Variants in CA5A observed in about 807,000 individuals in gnomAD.
The protein encoded by CA5A is carbonic anhydrase 5A.
Under a neutral mutation model 37.1 loss-of-function variants are expected in CA5A, and 28 were observed. That is an observed-to-expected ratio of 0.75 (90% CI 0.56 to 1.03). The LOEUF is 1.03. Among genes scored for constraint, CA5A ranks in the 50% least tolerant of loss-of-function variants. CA5A has a pLI of 0.00. For missense variants in CA5A, 444 were observed against 399.9 expected, an observed-to-expected ratio of 1.11 and a Z score of -0.94; for synonymous variants, 171 against 158.4, an observed-to-expected ratio of 1.08 and a Z score of -0.60.
intron 1 of CA5A, among the ~76,000 whole-genome samples, chr16:87,934,544 G>C (rs373831459): frequency 9.2e-5 from 14 of 151,890 alleles, no homozygotes; most frequent in East Asian, 7.8e-4. Flanking sequence ...GCTCCAGCCT[G>C]GGCAACAAGA....
At chr16:87,914,343 G>A (rs974568160) in intron 2 of CA5A, among the ~76,000 whole-genome samples, 6 of 152,188 alleles carry the variant, frequency 3.9e-5, no homozygotes, top group Non-Finnish European at 7.3e-5. Context: ...ATTAAGTGCA[G>A]CTTTTCGTCA....
chr16:87,894,433 G>C (rs1028671306), intron 5 of CA5A, among the ~76,000 whole-genome samples: 4 of 152,108 alleles, frequency 2.6e-5, no homozygotes, highest in Admixed American at 2.6e-4. Flanking sequence ...CCTTGGGCTT[G>C]TCTCCTAACA....
At chr16:87,915,536 T>TC (rs1200194394) in intron 2 of CA5A, among the ~76,000 whole-genome samples, 1 of 127,822 alleles carries the variant, frequency 7.8e-6, no homozygotes, top group Admixed American at 8.0e-5. Flanking sequence ...ATTTTTTTTT[T>TC]TTTTTTTTTT....
chr16:87,922,491 A>T (rs1037542177), intron 2 of CA5A, among the ~76,000 whole-genome samples: 5 of 152,198 alleles, frequency 3.3e-5, no homozygotes, highest in African/African-American at 1.2e-4. Context: ...TGCTGCCATG[A>T]GCTGAACAGA....
chr16:87,933,746 G>A (rs1282806453), intron 1 of CA5A, among the ~76,000 whole-genome samples: 1 of 152,124 alleles, frequency 6.6e-6, no homozygotes, highest in Admixed American at 6.5e-5. Context: ...CAAACCACCA[G>A]TGATTTTTCA....
rs1407065065 is a variant in CA5A, at chr16:87,911,372, T to C, written c.341-6468A>G. Among the ~76,000 whole-genome samples, 2 of 152,170 alleles carry C rather than the reference T, an allele frequency of 1.3e-5. No homozygotes were observed. Among genetic ancestry groups the C allele is most frequent in the African/African-American group, 4.8e-5 (2 of 41,444 alleles). ...GCTGTGACGTGCTGGCCCCAGAGAA[T>C]ATTGTCTCTGCTATTACAACAGATG... On this transcript the variant is annotated intron_variant, in intron 2 of 6. Coordinates refer to ENST00000649794, the MANE Select transcript of CA5A (RefSeq NM_001739.2). The surrounding 1 kb of genome is among the most constrained non-coding windows in gnomAD (Gnocchi z 4.6).
In CA5A at chr16:87,936,224, C is replaced by T. The variant is rs2056468978; in HGVS notation, c.142+85G>A. The stretch of plus-strand genomic sequence containing the variant: ...AAATCTGAACCCATCTGGCTCGGGA[C>T]GGTCTCTCCTCTCTCCTCTCGAAAG... On this transcript the variant is annotated intron_variant, in intron 1 of 6. Transcript: ENST00000649794. 37 of 889,446 alleles carry T rather than the reference C, an allele frequency of 4.2e-5. 1 individual carries two copies. The highest frequency in any genetic ancestry group is 2.3e-4 in the Middle Eastern group (1 of 4,404). 55.1% of individuals were successfully genotyped at this position (889,446 alleles called of 1,614,324 possible).
At chr16:87,906,626 C>CA (rs980322072) in intron 2 of CA5A, among the ~76,000 whole-genome samples, 43 of 145,826 alleles carry the variant, frequency 2.9e-4, no homozygotes, top group South Asian at 2.6e-3. Flanking sequence ...GAATCAGTCT[C>CA]AAAAAAAAAA....
intron 5 of CA5A, among the ~76,000 whole-genome samples, chr16:87,896,238 C>T (rs1194897774): frequency 1.3e-5 from 2 of 152,226 alleles, no homozygotes; most frequent in Non-Finnish European, 2.9e-5. Context: ...CTTCCCTCCC[C>T]AAGGCTGCAG....
In CA5A at chr16:87,909,832, T is replaced by C. The variant is rs985322355; in HGVS notation, c.341-4928A>G. ...TTAAAAACTGGAAAGCCGTGTTTCG[T>C]TACTCTTCCTGTAGACAACACAGCA... On this transcript the variant is annotated intron_variant, in intron 2 of 6. Transcript: ENST00000649794. 7.2e-5 allele frequency among the ~76,000 whole-genome samples: 11 copies of C among 152,146 alleles called. 1 individual carries two copies. Among genetic ancestry groups the C allele is most frequent in the Admixed American group, 4.6e-4 (7 of 15,274 alleles).
At chr16:87,919,504 A>C (rs1045282573) in intron 2 of CA5A, among the ~76,000 whole-genome samples, 26 of 152,244 alleles carry the variant, frequency 1.7e-4, no homozygotes, top group African/African-American at 5.5e-4. Context: ...CCTTCGCCCC[A>C]TCAGGGAACC....
intron 6 of CA5A, among the ~76,000 whole-genome samples, chr16:87,888,970 AGT>A (rs1174787166): frequency 7.0e-6 from 1 of 142,462 alleles, no homozygotes; most frequent in Non-Finnish European, 1.5e-5. Flanking sequence ...CCCAGACTGG[AGT>A]GCAATGGTGT....
intron 3 of CA5A, 31 bp from the exon 4 acceptor site, chr16:87,902,551 G>A: frequency 8.8e-7 from 1 of 1,141,926 alleles, no homozygotes; most frequent in Non-Finnish European, 1.3e-6. Flanking sequence ...AACTTAAATT[G>A]ATCAGCAAGA....
intron 2 of CA5A, among the ~76,000 whole-genome samples, chr16:87,921,365 T>G (rs2056227004): frequency 6.6e-6 from 1 of 152,266 alleles, no homozygotes; most frequent in Non-Finnish European, 1.5e-5. Context: ...GAAATTGGCT[T>G]GGGCCTTGAT....
At chr16:87,931,219 C>G (rs1439714021) in intron 1 of CA5A, among the ~76,000 whole-genome samples, 6 of 150,888 alleles carry the variant, frequency 4.0e-5, no homozygotes, top group Non-Finnish European at 7.4e-5. Flanking sequence ...TCAAGTGATT[C>G]TCCTGCCTCA....
intron 5 of CA5A, chr16:87,893,125 CCTTTCTTTCTTTCTTT>C (rs555248928): frequency 1.9e-6 from 1 of 522,246 alleles, no homozygotes; most frequent in East Asian, 3.2e-5. Flanking sequence ...TTTCTTTCTT[CCTTTCTTTCTTTCTTT>C]CTTTCTTTTT....
At chr16:87,921,459 C>A (rs914650398) in intron 2 of CA5A, among the ~76,000 whole-genome samples, 1 of 152,190 alleles carries the variant, frequency 6.6e-6, no homozygotes, top group African/African-American at 2.4e-5. Context: ...CTGGCCTTTG[C>A]ACAGCCATGG....
rs1450786010 is a variant in CA5A at position 87,911,053 on chromosome 16, G to A, written c.341-6149C>T. Among the ~76,000 whole-genome samples, 1 of 145,454 alleles carries A rather than the reference G, an allele frequency of 6.9e-6. No homozygotes were observed. The highest frequency in any genetic ancestry group is 1.5e-5 in the Non-Finnish European group (1 of 66,862). The stretch of plus-strand genomic sequence containing the variant: ...CATGAGCCACTGTGCCCAGCCTAAA[G>A]TGACTTTTCATAATGACAATACAAT... On this transcript the variant is annotated intron_variant, in intron 2 of 6. Coordinates refer to ENST00000649794, the MANE Select transcript of CA5A (RefSeq NM_001739.2). This position sits in a 1 kb window ranked among gnomAD's most constrained non-coding sequence, Gnocchi z 4.6.
At chr16:87,888,296 G>A in intron 6 of CA5A, 24 bp from the exon 7 acceptor site, 1 of 1,603,638 alleles carries the variant, frequency 6.2e-7, no homozygotes, top group Non-Finnish European at 8.5e-7. Context: ...CAGCCAGGGT[G>A]AGCTTGGTAT....
Sources: allele counts gnomAD v4.1 joint callset (sites outside exome capture counted in the v4.1 genomes callset), GRCh38; gene constraint gnomAD v4.1.1; non-coding constraint Gnocchi (gnomAD v3.1); transcripts MANE v1.5; gene names NCBI Gene and HGNC (gene_info 2026-07-23, HGNC 2026-07-21).